The following ABCG5 variants were observed in gnomAD, a reference collection of about 807,000 sequenced individuals.
ABCG5 encodes the protein ATP-binding cassette sub-family G member 5.
Under a neutral mutation model 64.5 loss-of-function variants are expected in ABCG5, and 64 were observed. The observed-to-expected ratio is 0.99, with a 90% CI of 0.81 to 1.22. ABCG5 has a LOEUF of 1.22. Among genes scored for constraint, ABCG5 ranks in the 50% most tolerant of loss-of-function variants. The pLI is 0.00. For missense variants in ABCG5, 908 were observed against 829.5 expected (o/e 1.09, Z -1.16); for synonymous variants, 385 against 326.3 (o/e 1.18, Z -1.94).
rs1667973914 is a variant in ABCG5, at chr2:43,831,934, G to A, written c.402+13C>T. ...GCGGGCGGGGGGGCCAGGGGTGTGGGGGACGCGCCCACCTGCAGGACGTAG... is the reference window on the plus strand; with the variant it reads ...GCGGGCGGGGGGGCCAGGGGTGTGGAGGACGCGCCCACCTGCAGGACGTAG... On this transcript the variant is annotated intron_variant, in intron 3 of 12. Transcript: ENST00000405322. 3 of 1,548,468 alleles carry A rather than the reference G, an allele frequency of 1.9e-6. No individual in the cohort carries two copies. Among genetic ancestry groups the A allele is most frequent in the African/African-American group, 1.4e-5 (1 of 73,146 alleles).
chr2:43,832,167 G>A (rs1667991506), intron 2 of ABCG5, 84 bp from the exon 3 acceptor site: 3 of 1,537,542 alleles, frequency 2.0e-6, no homozygotes, highest in South Asian at 2.4e-5. Flanking sequence ...GTGCAGGCAT[G>A]ACCCCGCGGG....
At chr2:43,833,169 G>A (rs1398656039) in intron 2 of ABCG5, among the ~76,000 whole-genome samples, 5 of 151,928 alleles carry the variant, frequency 3.3e-5, no homozygotes, top group Non-Finnish European at 5.9e-5. Context: ...CAGTCATATT[G>A]GACACAAGTT....
At chr2:43,826,955 C>T (rs755175087) in intron 5 of ABCG5, among the ~76,000 whole-genome samples, 2 of 152,184 alleles carry the variant, frequency 1.3e-5, no homozygotes, top group Admixed American at 6.5e-5. Flanking sequence ...AAAAATCTGA[C>T]GAATAAAACA....
intron 4 of ABCG5, 184 bp from the exon 5 acceptor site, chr2:43,828,299 T>A: frequency 1.2e-6 from 1 of 800,796 alleles, no homozygotes; most frequent in Non-Finnish European, 2.0e-6. Context: ...GCTTAAATCG[T>A]AATACATGTG....
At chr2:43,838,929 A>T, upstream of ABCG5, 1 of 1,210,946 alleles carries the variant, frequency 8.3e-7, no homozygotes, top group Non-Finnish European at 1.2e-6. This position sits in a 1 kb window ranked among gnomAD's most constrained non-coding sequence, Gnocchi z 4.2. Context: ...ATGCTGGGAG[A>T]GACGGGCCCA....
chr2:43,838,323 C>A lies in ABCG5; in HGVS notation c.143+214G>T. On this transcript the variant is annotated intron_variant, in intron 1 of 12. Coordinates refer to ENST00000405322, the MANE Select transcript of ABCG5 (RefSeq NM_022436.3). This position sits in a 1 kb window ranked among gnomAD's most constrained non-coding sequence, Gnocchi z 4.2. ...GGGCACTGCTGCCACTTTGTTTATGCCCAGGCCCTTCCCTGGGCAGGGGGA... is the reference window on the plus strand; with the variant it reads ...GGGCACTGCTGCCACTTTGTTTATGACCAGGCCCTTCCCTGGGCAGGGGGA... The A allele has an allele frequency of 1.6e-6, 1 of 617,124 alleles. No homozygotes were observed. The highest frequency in any genetic ancestry group is 2.8e-6 in the Non-Finnish European group (1 of 353,416). 38.2% of individuals were successfully genotyped at this position (617,124 alleles called of 1,614,324 possible). A position where few individuals can be genotyped will look rare whatever the true frequency, so the allele number is the denominator to read the frequency against.
chr2:43,820,570 T>A (rs568683714), intron 10 of ABCG5, among the ~76,000 whole-genome samples: 2 of 152,298 alleles, frequency 1.3e-5, no homozygotes, highest in South Asian at 4.2e-4. Context: ...CCTCACTTCT[T>A]TTGTCCTCGA....
Position 43,838,743 on chromosome 2 carries a change from G to A in ABCG5, c.-64C>T. 1 of 1,591,706 alleles carries A rather than the reference G, an allele frequency of 6.3e-7. No homozygotes were observed. ...CCGGACCCTCCCCAGAGTGGCTTCA[G>A]TTGGGGAGCCCGTGGCAGACTGCCC... On this transcript the variant is annotated 5_prime_UTR_variant, in exon 1 of 13. Coordinates refer to ENST00000405322, the MANE Select transcript of ABCG5 (RefSeq NM_022436.3). This position sits in a 1 kb window ranked among gnomAD's most constrained non-coding sequence, Gnocchi z 4.2.
chr2:43,826,090 C>T (rs1667580982), intron 6 of ABCG5, among the ~76,000 whole-genome samples: 2 of 152,292 alleles, frequency 1.3e-5, no homozygotes, highest in Admixed American at 1.3e-4. Flanking sequence ...ATCCTCTCAC[C>T]TCAGCCTTCC....
intron 11 of ABCG5, among the ~76,000 whole-genome samples, chr2:43,817,316 C>T (rs1343020808): frequency 1.3e-5 from 2 of 151,866 alleles, no homozygotes; most frequent in Non-Finnish European, 2.9e-5. Flanking sequence ...GAAACCTCAT[C>T]TCTACCAAAA....
At position 43,831,807 on chromosome 2, in the gene ABCG5, C is replaced by T. The variant is rs866561475; in HGVS notation, c.463G>A (p.Ala155Thr). 1 of 1,590,066 alleles carries T rather than the reference C, an allele frequency of 6.3e-7. No homozygotes were observed. The highest frequency in any genetic ancestry group is 8.5e-7 in the Non-Finnish European group (1 of 1,170,496). ...GAGCCGGGATTGCCGCGGCGGATGGCCAGCAGCGCGGTGTAGTGCAGCGTC... is the reference window on the plus strand; with the variant it reads ...GAGCCGGGATTGCCGCGGCGGATGGTCAGCAGCGCGGTGTAGTGCAGCGTC... Reference protein sequence around the residue: ...RETLHYTALLAIRRGNPGSFQ... With the variant: ...RETLHYTALLTIRRGNPGSFQ... The change falls in exon 4 of 13, where the codon GCC becomes ACC. Residue 155 changes from alanine to threonine, a missense_variant. By Grantham distance (58) the Ala-to-Thr change is moderately conservative. Coordinates refer to ENST00000405322, the MANE Select transcript of ABCG5 (RefSeq NM_022436.3).
At chr2:43,829,967 T>C (rs904839725) in intron 4 of ABCG5, among the ~76,000 whole-genome samples, 1 of 152,176 alleles carries the variant, frequency 6.6e-6, no homozygotes, top group Non-Finnish European at 1.5e-5. Context: ...GATATAGATA[T>C]ATTCTGGAAC....
At chr2:43,837,741 C>T (rs1467137803) in intron 2 of ABCG5, 93 bp downstream of exon 2, 2 of 1,546,868 alleles carry the variant, frequency 1.3e-6, no homozygotes, top group Admixed American at 3.4e-5. Context: ...TAATATCAAA[C>T]CTGTGGCTTT....
In ABCG5 at chr2:43,823,986, C is replaced by T. The variant is rs146801512; in HGVS notation, c.1251G>A (p.Gln417=). The T allele has an allele frequency of 4.5e-4, 731 of 1,614,216 alleles. 2 individuals are homozygous for T. Among genetic ancestry groups the T allele is most frequent in the Admixed American group, 2.2e-3 (130 of 60,026 alleles). ...VRSNVLKGAI[Q]DRVGLLYQFV... ...ACTGGTAAAGGAGACCTACGCGGTC[C>T]TGGATAGCACCCTTTAGCACATTGC... The change falls in exon 9 of 13, where the codon CAG becomes CAA. Residue 417 remains glutamine (Q), a synonymous_variant. Coordinates refer to ENST00000405322, the MANE Select transcript of ABCG5 (RefSeq NM_022436.3).
At chr2:43,810,536 T>G, downstream of ABCG5, 3 of 983,182 alleles carry the variant, frequency 3.1e-6, no homozygotes, top group Non-Finnish European at 3.6e-6. Flanking sequence ...TAAGTATAAT[T>G]GCTATGATTA....
At chr2:43,836,049 GC>G (rs2104884695) in intron 2 of ABCG5, among the ~76,000 whole-genome samples, 1 of 152,024 alleles carries the variant, frequency 6.6e-6, no homozygotes, top group African/African-American at 2.4e-5. Flanking sequence ...GGATTCTCCT[GC>G]CTCAGCCTCC....
chr2:43,821,958 A>C lies in ABCG5; in HGVS notation c.1463+839T>G, dbSNP rs960592242. 3.3e-5 allele frequency among the ~76,000 whole-genome samples: 5 copies of C among 151,692 alleles called. No individual in the cohort carries two copies. In the East Asian group the frequency reaches 9.7e-4, roughly 29 times the overall value. On this transcript the variant is annotated intron_variant, in intron 10 of 12. Coordinates refer to ENST00000405322, the MANE Select transcript of ABCG5 (RefSeq NM_022436.3). Reference sequence around the variant, plus strand: ...GATCCCATGTTATTCTGATTCCCCTATCCCTACCTTGGTCTACTCTGGGAA... The same window carrying C: ...GATCCCATGTTATTCTGATTCCCCTCTCCCTACCTTGGTCTACTCTGGGAA...
intron 4 of ABCG5, chr2:43,828,472 CAAAAAAAAA>C (rs754944007): frequency 1.2e-4 from 23 of 189,910 alleles, no homozygotes; most frequent in Middle Eastern, 2.3e-3. Context: ...CCTGTCTCTA[CAAAAAAAAA>C]AAAAAAAAAA....
Position 43,812,828 on chromosome 2 carries a change from A to G in ABCG5, c.*288T>C, listed in dbSNP as rs1666552625. Reference sequence around the variant, plus strand: ...CCTAGAACAAGGAAAAAAAATAGTCACACGAGTCTCCCATAGGTTTATGAA... The same window carrying G: ...CCTAGAACAAGGAAAAAAAATAGTCGCACGAGTCTCCCATAGGTTTATGAA... On this transcript the variant is annotated 3_prime_UTR_variant, in exon 13 of 13. Transcript: ENST00000405322. The G allele has an allele frequency of 2.7e-6, 1 of 366,790 alleles. No homozygotes were observed. The highest frequency in any genetic ancestry group is 4.3e-5 in the Admixed American group (1 of 23,252). The allele number at this position is 366,790 out of a possible 1,614,324, so 22.7% of individuals were successfully genotyped here.
Sources: allele counts gnomAD v4.1 joint callset (sites outside exome capture counted in the v4.1 genomes callset), GRCh38; gene constraint gnomAD v4.1.1; non-coding constraint Gnocchi (gnomAD v3.1); transcripts MANE v1.5; gene names NCBI Gene and HGNC (gene_info 2026-07-23, HGNC 2026-07-21).